CEP70: variants seen among roughly 807,000 people sequenced by gnomAD.
CEP70 encodes the protein centrosomal protein of 70 kDa.
In CEP70, 70 loss-of-function variants were observed where a neutral mutation model predicts 90.9. That is an observed-to-expected ratio of 0.77 (90% CI 0.64 to 0.94). CEP70 has a LOEUF of 0.94. Ranked by LOEUF, CEP70 falls within the 40% of genes least tolerant of loss-of-function variation. The pLI, the probability that CEP70 is intolerant of heterozygous loss-of-function variation, is 0.00. For missense variants in CEP70, 648 were observed against 669.0 expected, an observed-to-expected ratio of 0.97 and a Z score of 0.35; for synonymous variants, 220 against 228.3, an observed-to-expected ratio of 0.96 and a Z score of 0.33.
At chr3:138,520,612 A>T (rs963025287) in intron 11 of CEP70, among the ~76,000 whole-genome samples, 2 of 152,246 alleles carry the variant, frequency 1.3e-5, no homozygotes, top group African/African-American at 2.4e-5. Context: ...GAAGGCAGAA[A>T]TAAAGATGTT....
At chr3:138,591,824 A>G (rs1434423001) in intron 2 of CEP70, 30 bp downstream of exon 2, 3 of 1,527,828 alleles carry the variant, frequency 2.0e-6, no homozygotes, top group Admixed American at 2.0e-5. Context: ...GCCTCCCAAC[A>G]TCTGGAGTCA....
intron 6 of CEP70, among the ~76,000 whole-genome samples, chr3:138,541,007 T>A (rs2038716450): frequency 6.6e-6 from 1 of 152,194 alleles, no homozygotes. Flanking sequence ...AACCAAATAC[T>A]ACTTGTTCTC....
Position 138,508,498 on chromosome 3 carries a change from T to C in CEP70, c.991A>G (p.Lys331Glu). The C allele has an allele frequency of 6.2e-7, 1 of 1,613,054 alleles. No homozygotes were observed. The change falls in exon 12 of 18, where the codon AAA becomes GAA. Residue 331 changes from lysine (K) to glutamate (E), a missense_variant. Physicochemically the swap from Lys to Glu is moderately conservative, Grantham distance 56. Transcript: ENST00000264982. ...NHKKAEDTEK[K>E]DEPSKYNQQQ... ...TGATTATATTTGCTGGGCTCATCTT[T>C]CTTCTCTGTGTCCTCAGCCTTCTTA... is the stretch of plus-strand genomic sequence containing the variant.
chr3:138,500,477 GA>G lies in CEP70; in HGVS notation c.1458del (p.Arg488GlufsTer2), dbSNP rs762946262. 13 of 1,611,596 alleles carry G rather than the reference GA, an allele frequency of 8.1e-6. No individual in the cohort carries two copies. The highest frequency in any genetic ancestry group is 1.1e-5 in the Non-Finnish European group (13 of 1,179,430). On this transcript the variant is annotated frameshift_variant, in exon 15 of 18. Coordinates refer to ENST00000264982, the MANE Select transcript of CEP70 (RefSeq NM_024491.4). LOFTEE classifies it high-confidence loss of function. ...CTAGTATAAACTTCATTCATTCGGGGATAGACTCCATTTAAAGAAGGCACAT... is the reference window on the plus strand; with the variant it reads ...CTAGTATAAACTTCATTCATTCGGGGTAGACTCCATTTAAAGAAGGCACAT... Reference protein sequence around the residue: ...LFDVPSLNGVYPRMNEVYTRL... With the variant: ...LFDVPSLNGVXPRMNEVYTRL...
chr3:138,498,003 A>G, intron 17 of CEP70, 28 bp downstream of exon 17: 1 of 1,611,266 alleles, frequency 6.2e-7, no homozygotes, highest in Non-Finnish European at 8.5e-7. Context: ...AAGACTCAAA[A>G]TTTCACCATC....
intron 2 of CEP70, among the ~76,000 whole-genome samples, chr3:138,590,477 T>C (rs540493414): frequency 6.6e-6 from 1 of 152,262 alleles, no homozygotes; most frequent in Non-Finnish European, 1.5e-5. Flanking sequence ...AACTGAAATA[T>C]TATTTCCCTC....
chr3:138,554,908 GCACGC>G (rs2039885180), intron 6 of CEP70, among the ~76,000 whole-genome samples: 1 of 151,988 alleles, frequency 6.6e-6, no homozygotes, highest in African/African-American at 2.4e-5. Flanking sequence ...GGGATAATTG[GCACGC>G]CACATGTAGA....
chr3:138,582,041 C>A (rs781532084), intron 2 of CEP70, among the ~76,000 whole-genome samples: 4 of 152,094 alleles, frequency 2.6e-5, no homozygotes, highest in Non-Finnish European at 5.9e-5. Flanking sequence ...AAGTTTGTTC[C>A]CAGACAAACA....
In CEP70 at chr3:138,525,491, T is replaced by G. The variant is rs2037134672; in HGVS notation, c.943A>C (p.Lys315Gln). Residue 315 changes from lysine (K) to glutamine (Q), a missense_variant and splice_region_variant, in exon 11 of 18, where the codon AAA becomes CAA. Transcript: ENST00000264982. ...KLEKALKKNV[K>Q]LQELINHKKA... ...CAATTTTGGTAAAAATATAATTACTTGACGTTTTTCTTAAGGGCTTTTTCC... is the reference window on the plus strand; with the variant it reads ...CAATTTTGGTAAAAATATAATTACTGGACGTTTTTCTTAAGGGCTTTTTCC... 7.3e-7 allele frequency: 1 copy of G among 1,363,090 alleles called. No homozygotes were observed. The highest frequency in any genetic ancestry group is 2.4e-5 in the Admixed American group (1 of 41,954). 84.4% of individuals were successfully genotyped at this position (1,363,090 alleles called of 1,614,324 possible).
chr3:138,519,019 C>G (rs926607419), intron 11 of CEP70, among the ~76,000 whole-genome samples: 4 of 152,030 alleles, frequency 2.6e-5, no homozygotes, highest in Admixed American at 6.5e-5. Context: ...CAAGGCACGA[C>G]AACTACATGA....
At chr3:138,519,555 AC>A (rs1212006372) in intron 11 of CEP70, among the ~76,000 whole-genome samples, 1 of 152,224 alleles carries the variant, frequency 6.6e-6, no homozygotes, top group African/African-American at 2.4e-5. Context: ...AGAATTTTCA[AC>A]CCAGAATTTC....
intron 6 of CEP70, among the ~76,000 whole-genome samples, chr3:138,548,221 C>CA (rs1041006358): frequency 5.9e-5 from 9 of 152,180 alleles, no homozygotes; most frequent in Middle Eastern, 3.4e-3. Context: ...GCTCAACATA[C>CA]AAAAAATCAA....
chr3:138,571,119 T>C lies in CEP70; in HGVS notation c.199A>G (p.Arg67Gly). The C allele has an allele frequency of 6.2e-7, 1 of 1,602,506 alleles. No homozygotes were observed. The highest frequency in any genetic ancestry group is 8.5e-7 in the Non-Finnish European group (1 of 1,170,736). Residue 67 changes from arginine (R) to glycine (G), a missense_variant, in exon 5 of 18, where the codon AGA (arginine) becomes GGA (glycine). Transcript: ENST00000264982. ...IFDKQSSQRM[R>G]QNLKLLVEET... ...TCCACCAACAATTTCAAATTCTGTC[T>C]CATCCTTTGTGATGACTGTTTGTCA...
intron 17 of CEP70, 91 bp from the exon 18 acceptor site, chr3:138,495,167 C>A: frequency 1.4e-6 from 1 of 720,200 alleles, no homozygotes; most frequent in East Asian, 2.7e-5. Flanking sequence ...AAGGCAAACC[C>A]CAAACATAAA....
At chr3:138,530,104 G>A (rs1394383023) in intron 8 of CEP70, among the ~76,000 whole-genome samples, 1 of 152,186 alleles carries the variant, frequency 6.6e-6, no homozygotes, top group Non-Finnish European at 1.5e-5. Flanking sequence ...TAGCAAATAA[G>A]TATGATTATT....
At chr3:138,531,394 G>A (rs568847727) in intron 8 of CEP70, 1 of 152,034 alleles carries the variant, frequency 6.6e-6, no homozygotes, top group Non-Finnish European at 1.5e-5. Flanking sequence ...TCTAGATCAG[G>A]GGTCAGCAAA....
intron 11 of CEP70, among the ~76,000 whole-genome samples, chr3:138,511,248 A>G (rs1316042771): frequency 6.6e-6 from 1 of 152,192 alleles, no homozygotes; most frequent in Non-Finnish European, 1.5e-5. Context: ...CACCAGTCAC[A>G]TATATTCCCC....
intron 14 of CEP70, 23 bp from the exon 15 acceptor site, chr3:138,500,590 A>C (rs1360997539): frequency 1.3e-6 from 2 of 1,565,790 alleles, no homozygotes; most frequent in East Asian, 4.5e-5. Context: ...GAGGTAAAAA[A>C]GAAAGAGTTC....
At chr3:138,577,821 T>C (rs1160133985) in intron 2 of CEP70, among the ~76,000 whole-genome samples, 1 of 152,144 alleles carries the variant, frequency 6.6e-6, no homozygotes, top group South Asian at 2.1e-4. Flanking sequence ...ACTAGATTTT[T>C]AAAAATCAAG....
Sources: gnomAD v4.1 joint callset for allele counts (sites outside exome capture counted in the v4.1 genomes callset) on GRCh38, gnomAD v4.1.1 for gene constraint, MANE v1.5 for transcripts, NCBI Gene and HGNC (gene_info 2026-07-23, HGNC 2026-07-21) for gene names.